TAF13: variants seen among roughly 807,000 people sequenced by gnomAD.
The protein encoded by TAF13 is TATA-box binding protein associated factor 13.
Under a neutral mutation model 18.7 loss-of-function variants are expected in TAF13, and 9 were observed. That is an observed-to-expected ratio of 0.48 (90% CI 0.29 to 0.84). The LOEUF is 0.84. Among genes scored for constraint, TAF13 ranks in the 40% least tolerant of loss-of-function variants. The pLI, the probability that TAF13 is intolerant of heterozygous loss-of-function variation, is 0.08. For synonymous variants in TAF13, 49 were observed against 44.1 expected (o/e 1.11, Z -0.44); for missense variants, 105 against 146.5 (o/e 0.72, Z 1.46).
intron 3 of TAF13, among the ~76,000 whole-genome samples, chr1:109,065,132 G>A (rs528372707): frequency 2.0e-5 from 3 of 152,182 alleles, no homozygotes; most frequent in South Asian, 2.1e-4. Flanking sequence ...ACTCACCTGT[G>A]CAAAATCAAA....
intron 2 of TAF13, among the ~76,000 whole-genome samples, chr1:109,073,614 G>A (rs879612305): frequency 2.6e-5 from 4 of 151,572 alleles, no homozygotes; most frequent in South Asian, 2.1e-4. Context: ...TGATCTGCCC[G>A]CCTCGGCCTC....
At chr1:109,072,778 AC>A (rs1664098128) in intron 2 of TAF13, among the ~76,000 whole-genome samples, 2 of 46,590 alleles carry the variant, frequency 4.3e-5, no homozygotes, top group African/African-American at 1.7e-4. Flanking sequence ...ACGATTCACC[AC>A]CTTTTTTTTT....
At chr1:109,066,602 GTT>G (rs1300710794) in intron 2 of TAF13, among the ~76,000 whole-genome samples, 2 of 152,198 alleles carry the variant, frequency 1.3e-5, no homozygotes, top group African/African-American at 4.8e-5. Flanking sequence ...TTTGGAGGTG[GTT>G]TTTGTGTGTG....
intron 2 of TAF13, among the ~76,000 whole-genome samples, chr1:109,074,047 C>G (rs1238629041): frequency 2.0e-5 from 3 of 152,234 alleles, no homozygotes; most frequent in Non-Finnish European, 4.4e-5. Flanking sequence ...AGGAGCCCCT[C>G]TGCCCTGCCG....
intron 2 of TAF13, among the ~76,000 whole-genome samples, chr1:109,067,247 C>T (rs1458896493): frequency 6.6e-6 from 1 of 151,966 alleles, no homozygotes; most frequent in Admixed American, 6.6e-5. Flanking sequence ...TGCTTGAGCT[C>T]AGGAGTTTGA....
chr1:109,065,173 A>C (rs1663931218), intron 3 of TAF13, among the ~76,000 whole-genome samples: 1 of 152,182 alleles, frequency 6.6e-6, no homozygotes, highest in Non-Finnish European at 1.5e-5. Context: ...CTAATGATTA[A>C]AAAATAGAAG....
intron 3 of TAF13, among the ~76,000 whole-genome samples, chr1:109,065,148 A>G (rs1216178292): frequency 1.3e-5 from 2 of 152,190 alleles, no homozygotes; most frequent in Non-Finnish European, 1.5e-5. Context: ...TCAAAGACCT[A>G]TCACAGCATT....
chr1:109,067,446 A>C (rs1348926729), intron 2 of TAF13, among the ~76,000 whole-genome samples: 1 of 151,724 alleles, frequency 6.6e-6, no homozygotes, highest in Non-Finnish European at 1.5e-5. Context: ...TAAAAAAAAA[A>C]AAAAAACACA....
At chr1:109,071,957 A>AAT in intron 2 of TAF13, among the ~76,000 whole-genome samples, 2 of 87,864 alleles carry the variant, frequency 2.3e-5, no homozygotes, top group African/African-American at 1.0e-4. Flanking sequence ...TCAAAAAGAA[A>AAT]ATATATATAT....
chr1:109,075,453 T>C (rs1664163498), intron 1 of TAF13, among the ~76,000 whole-genome samples: 1 of 152,202 alleles, frequency 6.6e-6, no homozygotes, highest in Non-Finnish European at 1.5e-5. Flanking sequence ...GCTTATACAG[T>C]GCTAAAAACG....
intron 2 of TAF13, among the ~76,000 whole-genome samples, chr1:109,071,929 C>CAACA (rs1664061277): frequency 1.4e-5 from 2 of 145,582 alleles, no homozygotes; most frequent in African/African-American, 5.1e-5. Flanking sequence ...TCCAGACTGA[C>CAACA]AACAGTGAGA....
intron 2 of TAF13, 77 bp downstream of exon 2, chr1:109,074,910 G>T: frequency 9.3e-7 from 1 of 1,075,326 alleles, no homozygotes; most frequent in East Asian, 2.4e-5. Context: ...AACATTCAAA[G>T]CAATAAAGCT....
intron 3 of TAF13, 41 bp from the exon 4 acceptor site, chr1:109,064,734 T>C: frequency 7.3e-7 from 1 of 1,374,796 alleles, no homozygotes; most frequent in Non-Finnish European, 9.5e-7. Context: ...TTTTTAAATC[T>C]AATATTTTAC....
intron 2 of TAF13, among the ~76,000 whole-genome samples, chr1:109,067,988 ATTC>A (rs1349208038): frequency 6.6e-6 from 1 of 152,128 alleles, no homozygotes; most frequent in Non-Finnish European, 1.5e-5. Context: ...ATCCGTGTGA[ATTC>A]TTTTTTTTGC....
intron 3 of TAF13, among the ~76,000 whole-genome samples, chr1:109,065,211 CCAGA>C (rs1360144506): frequency 6.6e-6 from 1 of 152,134 alleles, no homozygotes; most frequent in African/African-American, 2.4e-5. Flanking sequence ...CGGCATTGAG[CCAGA>C]CACAGTGGCT....
intron 2 of TAF13, among the ~76,000 whole-genome samples, chr1:109,071,089 G>A (rs1664041241): frequency 6.6e-6 from 1 of 152,078 alleles, no homozygotes; most frequent in African/African-American, 2.4e-5. Flanking sequence ...TTAAGCCTAG[G>A]AGTTTGAGAC....
intron 2 of TAF13, among the ~76,000 whole-genome samples, chr1:109,070,112 C>CT (rs1436140174): frequency 6.6e-6 from 1 of 152,188 alleles, no homozygotes; most frequent in Non-Finnish European, 1.5e-5. Context: ...CACCAATGTC[C>CT]TTTTTCTGTT....
At chr1:109,072,132 A>G (rs1664088563) in intron 2 of TAF13, among the ~76,000 whole-genome samples, 1 of 126,184 alleles carries the variant, frequency 7.9e-6, no homozygotes, top group Non-Finnish European at 1.7e-5. Flanking sequence ...ATATATATAT[A>G]TATATATATA....
intron 2 of TAF13, among the ~76,000 whole-genome samples, chr1:109,071,211 G>T (rs916858491): frequency 1.3e-5 from 2 of 151,828 alleles, no homozygotes; most frequent in Non-Finnish European, 2.9e-5. Context: ...GAGGCCGAGT[G>T]GGGTGGATCA....
Sources: gnomAD v4.1 joint callset for allele counts (sites outside exome capture counted in the v4.1 genomes callset) on GRCh38, gnomAD v4.1.1 for gene constraint, MANE v1.5 for transcripts, NCBI Gene and HGNC (gene_info 2026-07-23, HGNC 2026-07-21) for gene names.